Variants in NEDD9 observed in about 807,000 individuals in gnomAD.
NEDD9 encodes enhancer of filamentation 1.
In NEDD9, 26 loss-of-function variants were observed where a neutral mutation model predicts 76.6. That is an observed-to-expected ratio of 0.34 (90% CI 0.25 to 0.47). The LOEUF (loss-of-function observed/expected upper bound fraction) is 0.47, where lower values mean the gene tolerates loss of function less well. NEDD9 is among the 20% of genes least tolerant of loss of function. NEDD9 has a pLI of 1.00. For missense variants in NEDD9, 937 were observed against 1,058.5 expected (o/e 0.89, Z 1.59); for synonymous variants, 392 against 414.2 (o/e 0.95, Z 0.65).
chr6:11,238,837 G>A (rs1759657221), intron 3 of NEDD9, among the ~76,000 whole-genome samples: 1 of 152,166 alleles, frequency 6.6e-6, no homozygotes, highest in Non-Finnish European at 1.5e-5. Context: ...AGTAGGCTTA[G>A]TATGAGGCTA....
chr6:11,214,938 T>A (rs1242056326), intron 1 of NEDD9, among the ~76,000 whole-genome samples: 3 of 152,212 alleles, frequency 2.0e-5, no homozygotes, highest in African/African-American at 4.8e-5. Context: ...TTCGTGGGAT[T>A]TTCGGCTGTC....
chr6:11,344,566 G>T (rs1214888702), intron 1 of NEDD9, among the ~76,000 whole-genome samples: 1 of 152,230 alleles, frequency 6.6e-6, no homozygotes, highest in East Asian at 1.9e-4. Context: ...TCTGCAGTGT[G>T]TGACCTCAAT....
intron 1 of NEDD9, among the ~76,000 whole-genome samples, chr6:11,220,697 C>T (rs549838224): frequency 6.6e-6 from 1 of 152,282 alleles, no homozygotes; most frequent in Admixed American, 6.5e-5. Flanking sequence ...ATGCTCACTG[C>T]AAATTTGGAT....
At chr6:11,336,826 C>T (rs893526650) in intron 1 of NEDD9, among the ~76,000 whole-genome samples, 1 of 152,220 alleles carries the variant, frequency 6.6e-6, no homozygotes, top group African/African-American at 2.4e-5. Context: ...CCTAGCCCTA[C>T]ATGGGGTCAG....
At chr6:11,187,880 C>G (rs2113712462) in intron 6 of NEDD9, among the ~76,000 whole-genome samples, 1 of 152,346 alleles carries the variant, frequency 6.6e-6, no homozygotes, top group African/African-American at 2.4e-5. Context: ...CTGAATTCCC[C>G]TACTGTGGCT....
intron 3 of NEDD9, among the ~76,000 whole-genome samples, chr6:11,298,335 A>G (rs1222398594): frequency 1.3e-5 from 2 of 152,164 alleles, no homozygotes; most frequent in Non-Finnish European, 2.9e-5. Flanking sequence ...AATAAAGTTT[A>G]ATAATGGGGG....
chr6:11,185,817 C>T (rs1008480045), intron 6 of NEDD9, 146 bp from the exon 7 acceptor site: 2 of 890,880 alleles, frequency 2.2e-6, no homozygotes, highest in African/African-American at 3.4e-5. Flanking sequence ...GTCAAGCTGC[C>T]TTGCTTTCCT....
intron 3 of NEDD9, among the ~76,000 whole-genome samples, chr6:11,243,122 C>T (rs1391798096): frequency 6.6e-6 from 1 of 152,140 alleles, no homozygotes; most frequent in Non-Finnish European, 1.5e-5. Context: ...ACCTCTCCTT[C>T]CCCAACACTG....
At chr6:11,187,487 A>C (rs370167753) in intron 6 of NEDD9, among the ~76,000 whole-genome samples, 2 of 152,218 alleles carry the variant, frequency 1.3e-5, no homozygotes, top group African/African-American at 4.8e-5. Context: ...GACCAAGGCC[A>C]GGCAAACCAT....
intron 2 of NEDD9, among the ~76,000 whole-genome samples, chr6:11,311,660 CAT>C (rs1473351517): frequency 6.6e-6 from 1 of 152,208 alleles, no homozygotes; most frequent in Non-Finnish European, 1.5e-5. Flanking sequence ...AAGGAAGTAA[CAT>C]GTTAATCACA....
At chr6:11,276,403 G>A (rs1760418342) in intron 3 of NEDD9, among the ~76,000 whole-genome samples, 1 of 152,202 alleles carries the variant, frequency 6.6e-6, no homozygotes, top group Non-Finnish European at 1.5e-5. Flanking sequence ...GTGCATGTGT[G>A]TGTGCACGTG....
rs542095598 is a variant in NEDD9, at chr6:11,333,027, A to G, written c.-153+1474T>C. 4.1e-5 allele frequency among the ~76,000 whole-genome samples: 6 copies of G among 147,678 alleles called. 1 individual carries two copies. The South Asian group carries it at 1.3e-3, about 33-fold the overall frequency. On this transcript the variant is annotated intron_variant, in intron 2 of 3. Coordinates refer to the NEDD9 transcript ENST00000397378. ...CAATAATGGTCCATACACTTCAGAA[A>G]AAGGAAGGAAGGAAAAAAGGAAGGA...
intron 2 of NEDD9, among the ~76,000 whole-genome samples, chr6:11,317,943 CA>C (rs1199776611): frequency 6.6e-6 from 1 of 152,224 alleles, no homozygotes; most frequent in African/African-American, 2.4e-5. Context: ...CTTGTTCAAT[CA>C]GTTGAAGGCC....
chr6:11,288,978 C>G (rs1261193343), intron 3 of NEDD9, among the ~76,000 whole-genome samples: 1 of 152,208 alleles, frequency 6.6e-6, no homozygotes, highest in Non-Finnish European at 1.5e-5. Flanking sequence ...GCTAATTTAA[C>G]TCTGAAATCT....
chr6:11,295,295 G>A (rs905331725), intron 3 of NEDD9, among the ~76,000 whole-genome samples: 35 of 152,164 alleles, frequency 2.3e-4, no homozygotes, highest in African/African-American at 8.2e-4. Flanking sequence ...ATTATTGTAT[G>A]AGTGCGTTTT....
chr6:11,238,098 T>C (rs2113283839), intron 3 of NEDD9, among the ~76,000 whole-genome samples: 1 of 152,326 alleles, frequency 6.6e-6, no homozygotes, highest in Admixed American at 6.5e-5. Flanking sequence ...CAACTGACTC[T>C]TGGTTCATTC....
rs547959558 is a variant in NEDD9, at chr6:11,241,147, A to G, written c.13-27420T>C. On this transcript the variant is annotated intron_variant, in intron 3 of 3. Coordinates refer to the NEDD9 transcript ENST00000397378. This position sits in a 1 kb window ranked among gnomAD's most constrained non-coding sequence, Gnocchi z 4.0. ...ATCAAATAAACAGGAATGGACTCTCATGGCTGAAATGAGAGTGGCCGTCTC... is the reference window on the plus strand; with the variant it reads ...ATCAAATAAACAGGAATGGACTCTCGTGGCTGAAATGAGAGTGGCCGTCTC... 6.6e-6 allele frequency among the ~76,000 whole-genome samples: 1 copy of G among 152,362 alleles called. No individual in the cohort carries two copies. The highest frequency in any genetic ancestry group is 2.1e-4 in the South Asian group (1 of 4,830).
intron 3 of NEDD9, among the ~76,000 whole-genome samples, chr6:11,272,061 C>T (rs80314202): frequency 0.053 from 8,132 of 152,256 alleles, 219 homozygotes; most frequent in Middle Eastern, 0.14. Context: ...GCTGTCATAT[C>T]AAAGGACAGC....
chr6:11,342,723 A>G (rs1762297015), intron 1 of NEDD9, among the ~76,000 whole-genome samples: 1 of 152,208 alleles, frequency 6.6e-6, no homozygotes, highest in South Asian at 2.1e-4. Flanking sequence ...CACACAAAGA[A>G]TGAAGAGTAA....
Sources: gnomAD v4.1 joint callset for allele counts (sites outside exome capture counted in the v4.1 genomes callset) on GRCh38, gnomAD v4.1.1 for gene constraint, Gnocchi (gnomAD v3.1) non-coding constraint, MANE v1.5 for transcripts, NCBI Gene and HGNC (gene_info 2026-07-23, HGNC 2026-07-21) for gene names.